Variants in MEGF9 observed in about 807,000 individuals in gnomAD.
The protein encoded by MEGF9 is multiple EGF like domains 9.
Under a neutral mutation model 46.8 loss-of-function variants are expected in MEGF9, and 6 were observed. The observed-to-expected ratio is 0.13, with a 90% confidence interval of 0.07 to 0.25. The LOEUF is 0.25. Ranked by LOEUF, MEGF9 falls within the 10% of genes least tolerant of loss-of-function variation. The probability of loss-of-function intolerance (pLI) is 1.00; values close to 1 mark genes in which losing one functional copy is unlikely to be tolerated. For synonymous variants in MEGF9, 302 were observed against 330.7 expected (o/e 0.91, Z 0.94); for missense variants, 683 against 792.4 (o/e 0.86, Z 1.66).
At chr9:120,685,318 CA>C (rs368352439) in intron 1 of MEGF9, among the ~76,000 whole-genome samples, 2 of 152,348 alleles carry the variant, frequency 1.3e-5, no homozygotes, top group Non-Finnish European at 2.9e-5. Flanking sequence ...ATACAAAACA[CA>C]ACCGTCGAAC....
chr9:120,628,609 G>A (rs948167430), intron 2 of MEGF9, among the ~76,000 whole-genome samples: 3 of 150,678 alleles, frequency 2.0e-5, no homozygotes, highest in Non-Finnish European at 4.4e-5. Flanking sequence ...ACGAGGGCCA[G>A]TGATGCCTGC....
intron 2 of MEGF9, among the ~76,000 whole-genome samples, chr9:120,630,266 G>A (rs1016299103): frequency 6.6e-6 from 1 of 152,018 alleles, no homozygotes; most frequent in African/African-American, 2.4e-5. Context: ...ACATAAGTAG[G>A]AACATGCAGT....
chr9:120,690,600 G>A (rs966144208), intron 1 of MEGF9, among the ~76,000 whole-genome samples: 6 of 152,130 alleles, frequency 3.9e-5, no homozygotes, highest in African/African-American at 1.4e-4. Context: ...CACCCAGGGT[G>A]CTACTGAATG....
At chr9:120,628,988 T>G (rs2043539284) in intron 2 of MEGF9, among the ~76,000 whole-genome samples, 1 of 151,958 alleles carries the variant, frequency 6.6e-6, no homozygotes, top group African/African-American at 2.4e-5. Flanking sequence ...TTGTTTTTTG[T>G]TTTTTGATAC....
chr9:120,675,004 G>T (rs912975177), intron 1 of MEGF9, among the ~76,000 whole-genome samples: 1 of 151,346 alleles, frequency 6.6e-6, no homozygotes, highest in Admixed American at 6.6e-5. Flanking sequence ...TCAGCTTCCC[G>T]AGTAGCTGGG....
At position 120,659,476 on chromosome 9, in the gene MEGF9, T is replaced by C; in HGVS notation, c.701A>G (p.His234Arg). Residue 234 changes from histidine (H) to arginine (R), a missense_variant, in exon 2 of 6, where the codon CAC becomes CGC. Physicochemically the swap from His to Arg is conservative, Grantham distance 29. Around this residue, in one of 2 missense-constraint regions of MEGF9, gnomAD observed 370 missense variants for 371.3 expected, o/e 1.00. Coordinates refer to ENST00000373930, the MANE Select transcript of MEGF9 (RefSeq NM_001080497.3). ...CECRPGYQGL[H>R]CETCKEGFYL... The stretch of plus-strand genomic sequence containing the variant: ...AAAGCCCTCTTTGCAGGTTTCACAG[T>C]GAAGCCCCTGATAACCTGGCCGACA... 1.9e-6 allele frequency: 3 copies of C among 1,613,796 alleles called. No homozygotes were observed. Among genetic ancestry groups the C allele is most frequent in the East Asian group, 2.2e-5 (1 of 44,870 alleles).
intron 2 of MEGF9, among the ~76,000 whole-genome samples, chr9:120,649,869 G>A (rs2043642233): frequency 6.6e-6 from 1 of 152,144 alleles, no homozygotes; most frequent in South Asian, 2.1e-4. Flanking sequence ...TAGCAGCAAC[G>A]ACAGATTTTA....
chr9:120,662,205 A>T (rs1190938618), intron 1 of MEGF9, among the ~76,000 whole-genome samples: 1 of 152,198 alleles, frequency 6.6e-6, no homozygotes, highest in South Asian at 2.1e-4. Context: ...TTCAATACTA[A>T]CCAAGTTCAC....
At chr9:120,627,377 C>T (rs781332630) in intron 2 of MEGF9, among the ~76,000 whole-genome samples, 3 of 152,122 alleles carry the variant, frequency 2.0e-5, no homozygotes, top group Non-Finnish European at 2.9e-5. Flanking sequence ...ATATAAAGTA[C>T]GTGTGTATGT....
chr9:120,678,199 G>C (rs192835328), intron 1 of MEGF9, among the ~76,000 whole-genome samples: 92 of 152,294 alleles, frequency 6.0e-4, no homozygotes, highest in Non-Finnish European at 1.1e-3. Context: ...TCTGTTGATG[G>C]ATACTTGGGT....
chr9:120,664,848 C>T (rs1425320763), intron 1 of MEGF9, among the ~76,000 whole-genome samples: 1 of 152,166 alleles, frequency 6.6e-6, no homozygotes, highest in African/African-American at 2.4e-5. Context: ...TTTCTGAGTC[C>T]TTTTCATTCA....
At position 120,607,780 on chromosome 9, in the gene MEGF9, C is replaced by G; in HGVS notation, c.1318G>C (p.Gly440Arg). 4 of 1,613,930 alleles carry G rather than the reference C, an allele frequency of 2.5e-6. No individual in the cohort carries two copies. The highest frequency in any genetic ancestry group is 3.4e-6 in the Non-Finnish European group (4 of 1,179,860). ...TTTCCCTCGAGGTCGTGAACATAAC[C>G]TTCTAGGCAGTTCTCACACCAAAAC... Reference protein sequence around the residue: ...TGFWCENCLEGYVHDLEGNCI... With the variant: ...TGFWCENCLERYVHDLEGNCI... Residue 440 changes from glycine to arginine, a missense_variant, in exon 5 of 6, where the codon GGT (glycine) becomes CGT (arginine). Physicochemically the swap from Gly to Arg is moderately radical, Grantham distance 125. Around this residue, in one of 2 missense-constraint regions of MEGF9, gnomAD observed 313 missense variants for 421.1 expected, o/e 0.74. Coordinates refer to ENST00000373930, the MANE Select transcript of MEGF9 (RefSeq NM_001080497.3).
chr9:120,650,924 T>C (rs1200715449), intron 2 of MEGF9, among the ~76,000 whole-genome samples: 2 of 152,152 alleles, frequency 1.3e-5, no homozygotes, highest in African/African-American at 4.8e-5. Context: ...TACACTTTAA[T>C]TTACTTACTC....
intron 5 of MEGF9, among the ~76,000 whole-genome samples, chr9:120,607,249 AC>A (rs2043423585): frequency 6.6e-6 from 1 of 152,194 alleles, no homozygotes; most frequent in Non-Finnish European, 1.5e-5. Flanking sequence ...CATGTGGATA[AC>A]TTTTGCTTTT....
chr9:120,654,611 G>A (rs185589386), intron 2 of MEGF9, among the ~76,000 whole-genome samples: 39 of 152,176 alleles, frequency 2.6e-4, no homozygotes, highest in Non-Finnish European at 4.4e-4. Context: ...ATGACTTACT[G>A]GTTCATGTAT....
intron 2 of MEGF9, 112 bp downstream of exon 2, chr9:120,659,262 T>C: frequency 1.5e-6 from 1 of 685,854 alleles, no homozygotes; most frequent in East Asian, 2.9e-5. Flanking sequence ...ATTTTGTAAA[T>C]CTATGACCCT....
chr9:120,697,366 A>C (rs2043882333), intron 1 of MEGF9, among the ~76,000 whole-genome samples: 2 of 151,342 alleles, frequency 1.3e-5, no homozygotes, highest in South Asian at 4.2e-4. Flanking sequence ...TACAGGCGTG[A>C]GCTACCGCGC....
At chr9:120,647,616 A>G (rs1403739568) in intron 2 of MEGF9, among the ~76,000 whole-genome samples, 1 of 152,214 alleles carries the variant, frequency 6.6e-6, no homozygotes, top group Admixed American at 6.5e-5. Context: ...ATTGGGGTAC[A>G]GAGTAAAGTT....
chr9:120,633,814 C>G (rs377000168), intron 2 of MEGF9, among the ~76,000 whole-genome samples: 27 of 152,166 alleles, frequency 1.8e-4, no homozygotes, highest in African/African-American at 6.5e-4. Context: ...TCATTTGCTC[C>G]AAGAAATTTT....
Sources: allele counts gnomAD v4.1 joint callset (sites outside exome capture counted in the v4.1 genomes callset), GRCh38; gene constraint gnomAD v4.1.1; regional missense constraint gnomAD v4.1.1; transcripts MANE v1.5; gene names NCBI Gene and HGNC (gene_info 2026-07-23, HGNC 2026-07-21).